The following EVA1A variants were observed in gnomAD, a reference collection of about 807,000 sequenced individuals.
EVA1A encodes eva-1 homolog A, regulator of programmed cell death, also known as protein eva-1 homolog A.
A neutral mutation model predicts 9.8 loss-of-function variants in EVA1A; 7 were observed. The observed-to-expected ratio is 0.71, with a 90% CI of 0.41 to 1.34. The LOEUF (loss-of-function observed/expected upper bound fraction) is 1.34, where lower values mean the gene tolerates loss of function less well. Among genes scored for constraint, EVA1A ranks in the 40% most tolerant of loss-of-function variants. EVA1A has a pLI of 0.01. For synonymous variants in EVA1A, 90 were observed against 85.6 expected (o/e 1.05, Z -0.28); for missense variants, 206 against 205.9 (o/e 1.00, Z 0.00).
At chr2:75,521,517 G>A (rs1160907248) in intron 2 of EVA1A, among the ~76,000 whole-genome samples, 23 of 152,184 alleles carry the variant, frequency 1.5e-4, no homozygotes, top group Admixed American at 1.5e-3. Flanking sequence ...AAAAAGGAAG[G>A]CATAAGCATG....
Position 75,493,553 on chromosome 2 carries a change from G to C in EVA1A, c.142C>G (p.Leu48Val), listed in dbSNP as rs1350640565. Residue 48 changes from leucine to valine, a missense_variant, in exon 4 of 4, where the codon CTG (leucine) becomes GTG (valine). Physicochemically the swap from Leu to Val is conservative, Grantham distance 32 (BLOSUM62 1). Transcript: ENST00000393913. ...FVSGVCIGLV[L>V]TLAALVIRIS... ...CTTATCACCAGAGCAGCCAGGGTCA[G>C]CACCAGCCCGATGCACACGCCAGAA... 3 of 1,613,862 alleles carry C rather than the reference G, an allele frequency of 1.9e-6. No homozygotes were observed. The highest frequency in any genetic ancestry group is 2.5e-6 in the Non-Finnish European group (3 of 1,179,966).
chr2:75,557,447 A>G (rs1018333417), intron 1 of EVA1A, among the ~76,000 whole-genome samples: 1 of 152,256 alleles, frequency 6.6e-6, no homozygotes, highest in South Asian at 2.1e-4. Context: ...AATGAGCCTT[A>G]CAATACATGG....
chr2:75,499,977 T>C (rs1674352176), intron 3 of EVA1A, among the ~76,000 whole-genome samples: 1 of 152,234 alleles, frequency 6.6e-6, no homozygotes, highest in East Asian at 1.9e-4. Context: ...TTTCCTATAT[T>C]GGATCCGCCT....
chr2:75,514,320 C>T (rs1674928319), intron 3 of EVA1A, among the ~76,000 whole-genome samples: 1 of 152,066 alleles, frequency 6.6e-6, no homozygotes, highest in East Asian at 1.9e-4. Flanking sequence ...AAAGAAAGAG[C>T]ATATTTAAAG....
At chr2:75,513,954 C>T (rs1163904503) in intron 3 of EVA1A, among the ~76,000 whole-genome samples, 5 of 152,238 alleles carry the variant, frequency 3.3e-5, no homozygotes, top group East Asian at 1.9e-4. Flanking sequence ...TTAAACCACA[C>T]AAAATTGTTT....
chr2:75,526,279 T>C (rs187303611), intron 1 of EVA1A: 2 of 152,278 alleles, frequency 1.3e-5, no homozygotes, highest in African/African-American at 4.8e-5. Flanking sequence ...AATAATAAGG[T>C]AGCAATGCAG....
In EVA1A at chr2:75,557,125, A is replaced by G. The variant is rs373022952; in HGVS notation, c.-192+3555T>C. On this transcript the variant is annotated intron_variant, in intron 1 of 3. Coordinates refer to ENST00000393913, the MANE Select transcript of EVA1A (RefSeq NM_001135032.2). ...GGAGACAACCTGCCAAAACAAGCAA[A>G]CTCAGGGGGATTACAGCTGTGCAGG... Among the ~76,000 whole-genome samples, 27 of 152,288 alleles carry G rather than the reference A, an allele frequency of 1.8e-4. No individual in the cohort carries two copies. The East Asian group carries it at 2.9e-3, about 16-fold the overall frequency.
At chr2:75,494,738 A>G (rs1449731448) in intron 3 of EVA1A, among the ~76,000 whole-genome samples, 2 of 152,218 alleles carry the variant, frequency 1.3e-5, no homozygotes, top group African/African-American at 4.8e-5. Context: ...AAACTGGGAG[A>G]TAATAAATGT....
At chr2:75,545,314 A>C (rs1676290268) in intron 1 of EVA1A, among the ~76,000 whole-genome samples, 1 of 152,262 alleles carries the variant, frequency 6.6e-6, no homozygotes, top group African/African-American at 2.4e-5. Context: ...TGCTTTTTGA[A>C]TTAATCAATG....
At chr2:75,515,931 G>A (rs1486807079) in intron 3 of EVA1A, among the ~76,000 whole-genome samples, 1 of 152,130 alleles carries the variant, frequency 6.6e-6, no homozygotes, top group Non-Finnish European at 1.5e-5. Flanking sequence ...CTCAGAGTTG[G>A]GGTTTCACCT....
chr2:75,518,697 C>G (rs558841641), intron 2 of EVA1A: 312 of 987,196 alleles, frequency 3.2e-4, no homozygotes, highest in Non-Finnish European at 3.7e-4. Context: ...CACAGCCCAT[C>G]GGGTTCAAAT....
chr2:75,557,216 GAGCAAGTGGCCCAGCGACT>G (rs1435504970), intron 1 of EVA1A, among the ~76,000 whole-genome samples: 1 of 152,220 alleles, frequency 6.6e-6, no homozygotes, highest in Non-Finnish European at 1.5e-5. Context: ...CTAGCCCACA[GAGCAAGTGGCCCAGCGACT>G]AGCAAGTGGG....
chr2:75,525,565 C>A (rs1402325812), intron 1 of EVA1A, among the ~76,000 whole-genome samples: 1 of 152,208 alleles, frequency 6.6e-6, no homozygotes, highest in African/African-American at 2.4e-5. Flanking sequence ...TTCCATCCTT[C>A]TGCATTTGTG....
At chr2:75,560,022 C>G (rs1487418139) in intron 1 of EVA1A, among the ~76,000 whole-genome samples, 1 of 152,320 alleles carries the variant, frequency 6.6e-6, no homozygotes, top group East Asian at 1.9e-4. Flanking sequence ...GTACTGCGTG[C>G]CAACACCTCC....
intron 1 of EVA1A, among the ~76,000 whole-genome samples, chr2:75,530,990 T>C (rs1675626534): frequency 6.6e-6 from 1 of 152,176 alleles, no homozygotes. Context: ...TGTTATCATA[T>C]ACCTGGAAAA....
Position 75,493,299 on chromosome 2 carries a change from C to T in EVA1A, c.396G>A (p.Arg132=), listed in dbSNP as rs1287970740. The T allele has an allele frequency of 6.2e-7, 1 of 1,614,112 alleles. No homozygotes were observed. Among genetic ancestry groups the T allele is most frequent in the Non-Finnish European group, 8.5e-7 (1 of 1,179,974 alleles). The part of the protein sequence containing the change: ...QRLEERERII[R]EIWMNGQPEV... Reference sequence around the variant, plus strand: ...CAGGCTGGCCATTCATCCAGATCTCCCTGATGATGCGCTCGCGCTCCTCCA... The same window carrying T: ...CAGGCTGGCCATTCATCCAGATCTCTCTGATGATGCGCTCGCGCTCCTCCA... The change falls in exon 4 of 4, where the codon AGG becomes AGA. Residue 132 remains arginine, a synonymous_variant. Coordinates refer to ENST00000393913, the MANE Select transcript of EVA1A (RefSeq NM_001135032.2).
At chr2:75,504,542 A>G (rs1386406360) in intron 3 of EVA1A, among the ~76,000 whole-genome samples, 1 of 152,114 alleles carries the variant, frequency 6.6e-6, no homozygotes, top group Non-Finnish European at 1.5e-5. Flanking sequence ...TTTTCCTTCC[A>G]TCTCTGACTT....
At chr2:75,540,951 C>A (rs6713572) in intron 1 of EVA1A, 81,446 of 152,116 alleles carry the variant, frequency 0.54, 23,534 homozygotes, top group African/African-American at 0.77. Flanking sequence ...AAACCTGGGA[C>A]GCAGCATGCA....
intron 1 of EVA1A, among the ~76,000 whole-genome samples, chr2:75,544,734 C>A (rs1676267302): frequency 6.6e-6 from 1 of 152,186 alleles, no homozygotes; most frequent in Non-Finnish European, 1.5e-5. Context: ...CTGTTCCTTT[C>A]CATTAGACCT....
Sources: gnomAD v4.1 joint callset for allele counts (sites outside exome capture counted in the v4.1 genomes callset) on GRCh38, gnomAD v4.1.1 for gene constraint, MANE v1.5 for transcripts, NCBI Gene and HGNC (gene_info 2026-07-23, HGNC 2026-07-21) for gene names.